The following OSR1 variants were observed in gnomAD, a reference collection of about 807,000 sequenced individuals.
The protein encoded by OSR1 is protein odd-skipped-related 1.
OSR1 carries 3 observed loss-of-function variants against 15.7 expected under a neutral mutation model. The observed-to-expected ratio is 0.19, with a 90% CI of 0.09 to 0.50. OSR1 has a LOEUF of 0.50. Among genes scored for constraint, OSR1 ranks in the 20% least tolerant of loss-of-function variants. The pLI is 0.97. For missense variants in OSR1, 271 were observed against 351.1 expected (o/e 0.77, Z 1.82); for synonymous variants, 166 against 152.7 (o/e 1.09, Z -0.64).
At chr2:19,354,464 C>T (rs1304194860) in intron 1 of OSR1, 1 of 152,240 alleles carries the variant, frequency 6.6e-6, no homozygotes, top group Non-Finnish European at 1.5e-5. Context: ...ACAGACAACA[C>T]ACATACACAG....
rs775530378 is a variant in OSR1, at chr2:19,353,808, C to G, written c.-3G>C. The G allele has an allele frequency of 1.2e-6, 2 of 1,606,288 alleles. No homozygotes were observed. The highest frequency in any genetic ancestry group is 1.7e-6 in the Non-Finnish European group (2 of 1,175,248). On this transcript the variant is annotated 5_prime_UTR_variant, in exon 2 of 3. Transcript: ENST00000272223. The stretch of plus-strand genomic sequence containing the variant: ...GCCGGCAAGGTTTTGCTGCCCATTT[C>G]GGTAGTTGCAGTGGCTTCTCAATCC...
chr2:19,346,026 C>A, the OSR1 span, among the ~76,000 whole-genome samples: 1 of 152,224 alleles, frequency 6.6e-6, no homozygotes, highest in African/African-American at 2.4e-5. Flanking sequence ...TTTATCATCT[C>A]ATGCAACTGT....
At chr2:19,350,623 G>A (rs913163451), downstream of OSR1, among the ~76,000 whole-genome samples, 4 of 152,132 alleles carry the variant, frequency 2.6e-5, no homozygotes, top group Non-Finnish European at 2.9e-5. Flanking sequence ...GGGCGCCACC[G>A]CCTGCGCGGT....
At chr2:19,349,342 C>T (rs1004231331), downstream of OSR1, among the ~76,000 whole-genome samples, 3 of 152,196 alleles carry the variant, frequency 2.0e-5, no homozygotes, top group African/African-American at 4.8e-5. Context: ...ATCACTAGAA[C>T]AAGCTGCAGG....
rs149742000 is a variant in OSR1 at position 19,353,360 on chromosome 2, G to T, written c.446C>A (p.Ala149Asp). 4.0e-5 allele frequency: 64 copies of T among 1,614,088 alleles called. 2 individuals carry two copies. Among genetic ancestry groups the T allele is most frequent in the African/African-American group, 3.5e-4 (26 of 74,952 alleles). ...GPGSPAGGLG[A>D]LLDVTKLSPE... Reference sequence around the variant, plus strand: ...AGACAGCTTGGTCACGTCGAGGAGGGCACCCAGCCCACCTGCAGGGGAGCC... The same window carrying T: ...AGACAGCTTGGTCACGTCGAGGAGGTCACCCAGCCCACCTGCAGGGGAGCC... Residue 149 changes from alanine to aspartate, a missense_variant, in exon 2 of 3, where the codon GCC (alanine) becomes GAC (aspartate). Physicochemically the swap from Ala to Asp is moderately radical, Grantham distance 126. This residue lies in a region of OSR1 where 210 missense variants were observed against 218.4 expected (regional missense o/e 0.96). Transcript: ENST00000272223.
chr2:19,352,302 C>T lies in OSR1; in HGVS notation c.774G>A (p.Glu258=), dbSNP rs765599206. ...AGCATTTGATCTTGGAGGTTTTGAG[C>T]TCCTTCACCTGTGAGTGTAGCGTCT... is the stretch of plus-strand genomic sequence containing the variant. ...VHKTLHSQVK[E]LKTSKIKC is the part of the protein sequence containing the mutation. Residue 258 remains glutamate, a synonymous_variant, in exon 3 of 3, where the codon GAG becomes GAA. Coordinates refer to ENST00000272223, the MANE Select transcript of OSR1 (RefSeq NM_145260.3). 2 of 1,614,226 alleles carry T rather than the reference C, an allele frequency of 1.2e-6. No homozygotes were observed. Among genetic ancestry groups the T allele is most frequent in the South Asian group, 2.2e-5 (2 of 91,092 alleles).
chr2:19,358,204 T>G (rs1210194259), intron 1 of OSR1, 137 bp downstream of exon 1: 2 of 152,384 alleles, frequency 1.3e-5, no homozygotes, highest in African/African-American at 4.8e-5. Flanking sequence ...TTCACAAAAG[T>G]CCTACAGCAT....
At chr2:19,348,114 G>A (rs1664770750), downstream of OSR1, among the ~76,000 whole-genome samples, 2 of 152,114 alleles carry the variant, frequency 1.3e-5, no homozygotes, top group African/African-American at 2.4e-5. Flanking sequence ...AGTGGGCGCA[G>A]AAGTGGGTGG....
At chr2:19,347,562 C>T (rs1348015600), downstream of OSR1, among the ~76,000 whole-genome samples, 1 of 152,196 alleles carries the variant, frequency 6.6e-6, no homozygotes, top group Admixed American at 6.5e-5. Context: ...ATGAATTTTT[C>T]ATCTGAAACA....
At chr2:19,353,895 T>G (rs1572260308) in intron 1 of OSR1, 58 bp from the exon 2 acceptor site, 56 of 1,291,382 alleles carry the variant, frequency 4.3e-5, no homozygotes, top group Non-Finnish European at 5.4e-5. Flanking sequence ...TCAGGGTGGG[T>G]CGCCTTCCTC....
At chr2:19,356,027 T>G (rs1664941950) in intron 1 of OSR1, 2 of 152,420 alleles carry the variant, frequency 1.3e-5, no homozygotes, top group South Asian at 2.1e-4. Flanking sequence ...GATCCTTATC[T>G]CCGGGTCCCG....
At chr2:19,354,209 A>G (rs1664902903) in intron 1 of OSR1, 1 of 181,916 alleles carries the variant, frequency 5.5e-6, no homozygotes, top group Admixed American at 5.4e-5. Flanking sequence ...CAGAATCACA[A>G]TCTCCTGCAA....
Position 19,352,074 on chromosome 2 carries a change from G to C in OSR1, c.*201C>G. ...TGGCCAAGAGTTTAGCCGCGTCCTA[G>C]GGGAGCAGCAGGGACGGTCGGGGTC... On this transcript the variant is annotated 3_prime_UTR_variant, in exon 3 of 3. Coordinates refer to ENST00000272223, the MANE Select transcript of OSR1 (RefSeq NM_145260.3). 1 of 500,160 alleles carries C rather than the reference G, an allele frequency of 2.0e-6. No homozygotes were observed. The highest frequency in any genetic ancestry group is 3.8e-5 in the South Asian group (1 of 26,376). The allele number at this position is 500,160 out of a possible 1,614,324, so 31.0% of individuals were successfully genotyped here.
the OSR1 span, among the ~76,000 whole-genome samples, chr2:19,346,044 C>T: frequency 6.6e-6 from 1 of 152,236 alleles, no homozygotes; most frequent in Non-Finnish European, 1.5e-5. Flanking sequence ...TGTCTACCTA[C>T]AGGATCCAAG....
rs1664982657 is a variant in OSR1 at position 19,357,905 on chromosome 2, G to C, written c.-33+436C>G. 1 of 152,330 alleles carries C rather than the reference G, an allele frequency of 6.6e-6. No homozygotes were observed. Among genetic ancestry groups the C allele is most frequent in the African/African-American group, 2.4e-5 (1 of 41,474 alleles). 9.4% of individuals were successfully genotyped at this position (152,330 alleles called of 1,614,324 possible). ...ACCTGTCCCTGGCGCGGTCGGCTGC[G>C]GCTGTGGCCATTCACTCCCTCTCCC... On this transcript the variant is annotated intron_variant, in intron 1 of 2. Coordinates refer to ENST00000272223, the MANE Select transcript of OSR1 (RefSeq NM_145260.3). The surrounding 1 kb of genome is among the most constrained non-coding windows in gnomAD (Gnocchi z 5.0).
Position 19,357,619 on chromosome 2 carries a change from T to G in OSR1, c.-33+722A>C, listed in dbSNP as rs1362048923. The G allele has an allele frequency of 6.6e-6, 1 of 152,154 alleles. No individual in the cohort carries two copies. Among genetic ancestry groups the G allele is most frequent in the Admixed American group, 6.5e-5 (1 of 15,274 alleles). 9.4% of individuals were successfully genotyped at this position (152,154 alleles called of 1,614,324 possible). On this transcript the variant is annotated intron_variant, in intron 1 of 2. Coordinates refer to ENST00000272223, the MANE Select transcript of OSR1 (RefSeq NM_145260.3). This position sits in a 1 kb window ranked among gnomAD's most constrained non-coding sequence, Gnocchi z 5.0. ...TAGGGCTCCACAGAGTTTCCACTAG[T>G]GCTGTGTGTGGGTCTCGAATTGGAA... is the stretch of plus-strand genomic sequence containing the variant.
At chr2:19,347,644 G>C (rs1195992516), downstream of OSR1, among the ~76,000 whole-genome samples, 1 of 152,180 alleles carries the variant, frequency 6.6e-6, no homozygotes, top group African/African-American at 2.4e-5. Context: ...CGGGTGGAGT[G>C]GGACACCAGG....
In OSR1 at chr2:19,351,651, AC is replaced by A. The variant is rs1664842052; in HGVS notation, c.*623del. On this transcript the variant is annotated 3_prime_UTR_variant, in exon 3 of 3. Coordinates refer to ENST00000272223, the MANE Select transcript of OSR1 (RefSeq NM_145260.3). ...GCAGCGGAGGCCGGGCCCCCTGCAGACCCCAGGCCCGAGGTCCCCGTCCCGC... is the reference window on the plus strand; with the variant it reads ...GCAGCGGAGGCCGGGCCCCCTGCAGACCCAGGCCCGAGGTCCCCGTCCCGC... 2 of 152,542 alleles carry A rather than the reference AC, an allele frequency of 1.3e-5. No homozygotes were observed. 9.4% of individuals were successfully genotyped at this position (152,542 alleles called of 1,614,324 possible). A position where few individuals can be genotyped will look rare whatever the true frequency, so the allele number is the denominator to read the frequency against.
rs1664853821 is a variant in OSR1 at position 19,352,153 on chromosome 2, A to G, written c.*122T>C. The G allele has an allele frequency of 8.6e-7, 1 of 1,161,014 alleles. No homozygotes were observed. The highest frequency in any genetic ancestry group is 1.6e-5 in the South Asian group (1 of 62,864). The allele number at this position is 1,161,014 out of a possible 1,614,324, so 71.9% of individuals were successfully genotyped here. A position where few individuals can be genotyped will look rare whatever the true frequency, so the allele number is the denominator to read the frequency against. ...GCGTGCGCCAGGGACCCAGGGGACA[A>G]TGTTGGAGAGGTGGAAGGTCCCGAG... On this transcript the variant is annotated 3_prime_UTR_variant, in exon 3 of 3. Transcript: ENST00000272223.
Sources: gnomAD v4.1 joint callset for allele counts (sites outside exome capture counted in the v4.1 genomes callset) on GRCh38, gnomAD v4.1.1 for gene constraint, gnomAD v4.1.1 regional missense constraint, Gnocchi (gnomAD v3.1) non-coding constraint, MANE v1.5 for transcripts, NCBI Gene and HGNC (gene_info 2026-07-23, HGNC 2026-07-21) for gene names.